Variants in EFCAB14 observed in about 807,000 individuals in gnomAD.
EFCAB14 encodes EF-hand calcium-binding domain-containing protein 14.
In EFCAB14, 43 loss-of-function variants were observed where a neutral mutation model predicts 56.5. The ratio of observed to expected loss-of-function variants is 0.76; its 90% CI spans 0.60 to 0.98. The LOEUF (loss-of-function observed/expected upper bound fraction) is 0.98. EFCAB14 is among the 50% of genes least tolerant of loss of function. The pLI, the probability that EFCAB14 is intolerant of heterozygous loss-of-function variation, is 0.00. For synonymous variants in EFCAB14, 235 were observed against 212.9 expected (o/e 1.10, Z -0.90); for missense variants, 538 against 580.3 (o/e 0.93, Z 0.75).
At chr1:46,713,532 A>C (rs1342995991) in intron 2 of EFCAB14, among the ~76,000 whole-genome samples, 3 of 152,202 alleles carry the variant, frequency 2.0e-5, no homozygotes, top group Admixed American at 2.0e-4. Context: ...GTAGTACTTT[A>C]TTTGCATTCC....
chr1:46,711,154 A>G (rs748689122), intron 2 of EFCAB14, among the ~76,000 whole-genome samples: 4 of 152,234 alleles, frequency 2.6e-5, no homozygotes, highest in Non-Finnish European at 5.9e-5. Context: ...AGTAGTTCCC[A>G]GCAGGTGCTT....
intron 10 of EFCAB14, among the ~76,000 whole-genome samples, chr1:46,679,143 T>C (rs1192646110): frequency 6.6e-6 from 1 of 152,214 alleles, no homozygotes; most frequent in Non-Finnish European, 1.5e-5. Flanking sequence ...GTGAGATTTC[T>C]TGTTGGATGG....
At chr1:46,684,430 C>G (rs1676845369) in intron 9 of EFCAB14, 61 bp downstream of exon 9, 1 of 1,381,390 alleles carries the variant, frequency 7.2e-7, no homozygotes, top group African/African-American at 1.4e-5. Context: ...CCCTGCTCCC[C>G]ATGTGAGAGG....
chr1:46,702,504 G>A (rs917594449), intron 3 of EFCAB14, among the ~76,000 whole-genome samples: 5 of 151,990 alleles, frequency 3.3e-5, no homozygotes, highest in African/African-American at 1.2e-4. Flanking sequence ...CTGAGTGACT[G>A]TGGACAAGCT....
intron 4 of EFCAB14, among the ~76,000 whole-genome samples, chr1:46,693,798 A>C (rs1677035376): frequency 6.6e-6 from 1 of 152,242 alleles, no homozygotes; most frequent in East Asian, 1.9e-4. Context: ...TGCCTGGTAC[A>C]TACTGGAGGA....
In EFCAB14 at chr1:46,718,771, G is replaced by A. The variant is rs1474064916; in HGVS notation, c.-684C>T. On this transcript the variant is annotated 5_prime_UTR_variant, in exon 1 of 11. Coordinates refer to ENST00000371933, the MANE Select transcript of EFCAB14 (RefSeq NM_014774.3). ...GTCCTGAACGTGAAGGGGGCCCGAG[G>A]CCGAGGAAGATCCGGAGCCCGGCTA... 9.2e-5 allele frequency: 14 copies of A among 152,362 alleles called. 1 individual carries two copies. Among genetic ancestry groups the A allele is most frequent in the Admixed American group, 7.8e-4 (12 of 15,294 alleles). The allele number at this position is 152,362 out of a possible 1,614,324, so 9.4% of individuals were successfully genotyped here. A position where few individuals can be genotyped will look rare whatever the true frequency, so the allele number is the denominator to read the frequency against.
chr1:46,714,708 G>A lies in EFCAB14; in HGVS notation c.334+1587C>T, dbSNP rs1252266879. ...GATTGGGGGTGTGGGGTGCTGACACGGGAAGACTGCTTGAGCCCATGAAGT... is the reference window on the plus strand; with the variant it reads ...GATTGGGGGTGTGGGGTGCTGACACAGGAAGACTGCTTGAGCCCATGAAGT... On this transcript the variant is annotated intron_variant, in intron 2 of 10. Coordinates refer to ENST00000371933, the MANE Select transcript of EFCAB14 (RefSeq NM_014774.3). 4.0e-5 allele frequency among the ~76,000 whole-genome samples: 6 copies of A among 151,788 alleles called. No homozygotes were observed. In the East Asian group the frequency reaches 9.7e-4, roughly 24 times the overall value.
In EFCAB14 at chr1:46,691,860, G is replaced by C; in HGVS notation, c.657C>G (p.His219Gln). Residue 219 changes from histidine to glutamine, a missense_variant, in exon 5 of 11, where the codon CAC becomes CAG. Coordinates refer to ENST00000371933, the MANE Select transcript of EFCAB14 (RefSeq NM_014774.3). ...VEALQKTVDE[H>Q]KKTMELLQSD... ...TCTGCAGTAATTCCATCGTTTTCTTGTGTTCATCCACAGTTTTCTGTAGTG... is the reference window on the plus strand; with the variant it reads ...TCTGCAGTAATTCCATCGTTTTCTTCTGTTCATCCACAGTTTTCTGTAGTG... 1 of 1,613,410 alleles carries C rather than the reference G, an allele frequency of 6.2e-7. No individual in the cohort carries two copies. Among genetic ancestry groups the C allele is most frequent in the Non-Finnish European group, 8.5e-7 (1 of 1,179,646 alleles).
At position 46,716,502 on chromosome 1, in the gene EFCAB14, T is replaced by C. The variant is rs944628984; in HGVS notation, c.186-59A>G. 93 of 1,581,488 alleles carry C rather than the reference T, an allele frequency of 5.9e-5. 1 individual carries two copies. The African/African-American group carries it at 1.2e-3, about 21-fold the overall frequency. ...AAAGTGATTATGGGTATAGCTTTAT[T>C]AGCAATAGTACACGTTTTGCCATGC... is the stretch of plus-strand genomic sequence containing the variant. On this transcript the variant is annotated intron_variant, in intron 1 of 10. Transcript: ENST00000371933.
Position 46,718,705 on chromosome 1 carries a change from A to C in EFCAB14, c.-618T>G, listed in dbSNP as rs1283836489. 1 of 152,450 alleles carries C rather than the reference A, an allele frequency of 6.6e-6. No individual in the cohort carries two copies. The highest frequency in any genetic ancestry group is 1.9e-4 in the East Asian group (1 of 5,168). The allele number at this position is 152,450 out of a possible 1,614,324, so 9.4% of individuals were successfully genotyped here. A position where few individuals can be genotyped will look rare whatever the true frequency, so the allele number is the denominator to read the frequency against. The stretch of plus-strand genomic sequence containing the variant: ...CGCAGAGAAAATGCCCTGGCCAGGA[A>C]GCCGGCTGGGGTGTGTGATGATCAC... On this transcript the variant is annotated 5_prime_UTR_variant, in exon 1 of 11. Transcript: ENST00000371933.
chr1:46,692,457 A>G (rs1569702184), intron 4 of EFCAB14, among the ~76,000 whole-genome samples: 1 of 152,292 alleles, frequency 6.6e-6, no homozygotes, highest in African/African-American at 2.4e-5. Context: ...CCCCTTTATC[A>G]TATGCTTTCT....
At chr1:46,693,352 C>A (rs1677028675) in intron 4 of EFCAB14, among the ~76,000 whole-genome samples, 1 of 152,090 alleles carries the variant, frequency 6.6e-6, no homozygotes, top group South Asian at 2.1e-4. Context: ...ATCCAAGAAT[C>A]CAAGAGAACA....
At chr1:46,695,987 T>TG (rs1322141459) in intron 4 of EFCAB14, among the ~76,000 whole-genome samples, 1 of 152,166 alleles carries the variant, frequency 6.6e-6, no homozygotes, top group African/African-American at 2.4e-5. Flanking sequence ...GCCTCCAAAG[T>TG]GATTTTTACC....
At chr1:46,710,123 A>G (rs1677287524) in intron 2 of EFCAB14, among the ~76,000 whole-genome samples, 1 of 152,270 alleles carries the variant, frequency 6.6e-6, no homozygotes, top group Non-Finnish European at 1.5e-5. Flanking sequence ...AATAATTAAA[A>G]GAAATGAGAT....
At chr1:46,710,306 C>T (rs1569733211) in intron 2 of EFCAB14, among the ~76,000 whole-genome samples, 1 of 152,182 alleles carries the variant, frequency 6.6e-6, no homozygotes, top group Non-Finnish European at 1.5e-5. Flanking sequence ...TTAGCATATC[C>T]ATCATCTCAA....
At chr1:46,716,591 T>C in intron 1 of EFCAB14, 148 bp from the exon 2 acceptor site, 1 of 854,618 alleles carries the variant, frequency 1.2e-6, no homozygotes, top group Non-Finnish European at 1.8e-6. Flanking sequence ...AGCACTTAAA[T>C]GAATAAATAA....
intron 2 of EFCAB14, among the ~76,000 whole-genome samples, chr1:46,709,158 GT>G (rs1557450098): frequency 6.6e-6 from 1 of 152,090 alleles, no homozygotes; most frequent in Non-Finnish European, 1.5e-5. Context: ...ACATTAAAAT[GT>G]TAATTAAAAT....
chr1:46,693,032 G>C (rs1164477788), intron 4 of EFCAB14, among the ~76,000 whole-genome samples: 1 of 152,170 alleles, frequency 6.6e-6, no homozygotes, highest in Non-Finnish European at 1.5e-5. Flanking sequence ...TCGAGCAAAA[G>C]TGGGAGGGAA....
chr1:46,678,820 T>TAAAA (rs10567663), intron 10 of EFCAB14, among the ~76,000 whole-genome samples, 184 bp from the exon 11 acceptor site: 1 of 132,806 alleles, frequency 7.5e-6, no homozygotes, highest in African/African-American at 2.8e-5. Flanking sequence ...AAAAATATAT[T>TAAAA]AAAAAAAAAA....
Sources: gnomAD v4.1 joint callset for allele counts (sites outside exome capture counted in the v4.1 genomes callset) on GRCh38, gnomAD v4.1.1 for gene constraint, MANE v1.5 for transcripts, NCBI Gene and HGNC (gene_info 2026-07-23, HGNC 2026-07-21) for gene names.